The following NKAIN3 variants were observed in gnomAD, a reference collection of about 807,000 sequenced individuals.
NKAIN3 encodes sodium/potassium-transporting ATPase subunit beta-1-interacting protein 3.
Under a neutral mutation model 30.2 loss-of-function variants are expected in NKAIN3, and 25 were observed. The ratio of observed to expected loss-of-function variants is 0.83; its 90% confidence interval spans 0.60 to 1.16. NKAIN3 has a LOEUF of 1.16. Among genes scored for constraint, NKAIN3 ranks in the 50% most tolerant of loss-of-function variants. The pLI is 0.00. For synonymous variants in NKAIN3, 91 were observed against 89.6 expected (o/e 1.02, Z -0.09); for missense variants, 225 against 254.1 (o/e 0.89, Z 0.78).
In NKAIN3 at chr8:62,966,465, C is replaced by A; in HGVS notation, c.*1058C>A. The A allele has an allele frequency of 1.3e-6, 1 of 793,454 alleles. No homozygotes were observed. Among genetic ancestry groups the A allele is most frequent in the Non-Finnish European group, 1.5e-6 (1 of 654,728 alleles). 49.2% of individuals were successfully genotyped at this position (793,454 alleles called of 1,614,324 possible). A position where few individuals can be genotyped will look rare whatever the true frequency, so the allele number is the denominator to read the frequency against. On this transcript the variant is annotated 3_prime_UTR_variant, in exon 7 of 7. Transcript: ENST00000623646. Reference sequence around the variant, plus strand: ...TAAAACTTACATATGGTAAAATGCACAAATATTAATGGTACGATTTGATTA... The same window carrying A: ...TAAAACTTACATATGGTAAAATGCAAAAATATTAATGGTACGATTTGATTA...
intron 1 of NKAIN3, among the ~76,000 whole-genome samples, chr8:62,358,920 G>A (rs1406410721): frequency 1.3e-5 from 2 of 152,150 alleles, no homozygotes; most frequent in South Asian, 2.1e-4. Flanking sequence ...GGTGGCTCAC[G>A]CCTGTAATCC....
At chr8:62,368,098 T>C (rs1334432130) in intron 1 of NKAIN3, among the ~76,000 whole-genome samples, 1 of 152,184 alleles carries the variant, frequency 6.6e-6, no homozygotes, top group Non-Finnish European at 1.5e-5. Flanking sequence ...AGATATCTTA[T>C]GTCCATACAT....
chr8:62,942,072 A>T (rs1004179698), intron 5 of NKAIN3, among the ~76,000 whole-genome samples: 1 of 151,888 alleles, frequency 6.6e-6, no homozygotes, highest in African/African-American at 2.4e-5. Flanking sequence ...AAGTTTCAGG[A>T]TACAAAATTA....
intron 1 of NKAIN3, among the ~76,000 whole-genome samples, chr8:62,522,403 G>C (rs1319701638): frequency 6.6e-6 from 1 of 152,024 alleles, no homozygotes; most frequent in Non-Finnish European, 1.5e-5. Flanking sequence ...ACATGACTAT[G>C]TTGCTAGTTT....
rs532739228 is a variant in NKAIN3, at chr8:62,320,691, C to T, written c.54+71564C>T. ...TCTCTTCTGGCTTGTAGAGTTTCTG[C>T]CAAGAGATCAGCTGTTAGTCTGATG... On this transcript the variant is annotated intron_variant, in intron 1 of 6. Coordinates refer to ENST00000623646, the MANE Select transcript of NKAIN3 (RefSeq NM_001304533.3). Among the ~76,000 whole-genome samples, 7 of 152,310 alleles carry T rather than the reference C, an allele frequency of 4.6e-5. No homozygotes were observed. In the East Asian group the frequency reaches 1.3e-3, roughly 29 times the overall value.
chr8:62,780,761 C>CT (rs1817331560), intron 4 of NKAIN3, among the ~76,000 whole-genome samples: 1 of 151,816 alleles, frequency 6.6e-6, no homozygotes, highest in Admixed American at 6.6e-5. Context: ...AAACTCTCAA[C>CT]TAAAAGTTAG....
chr8:62,855,765 G>A, intron 4 of NKAIN3: 1 of 1,177,872 alleles, frequency 8.5e-7, no homozygotes, highest in Non-Finnish European at 1.3e-6. Flanking sequence ...ATGACTTTCA[G>A]TAAAGGGCAT....
chr8:62,272,361 C>G (rs1812805315), intron 1 of NKAIN3, among the ~76,000 whole-genome samples: 1 of 152,080 alleles, frequency 6.6e-6, no homozygotes, highest in African/African-American at 2.4e-5. Flanking sequence ...CACTGAAATG[C>G]TAACGCCAGT....
chr8:62,669,920 T>C lies in NKAIN3; in HGVS notation c.274-77012T>C, dbSNP rs575367508. On this transcript the variant is annotated intron_variant, in intron 3 of 6. Coordinates refer to ENST00000623646, the MANE Select transcript of NKAIN3 (RefSeq NM_001304533.3). The stretch of plus-strand genomic sequence containing the variant: ...GTCACTTGATTTTTAAAATGATATA[T>C]TTTCCTTTCCTTTTCCTCCCACCAG... 2.4e-3 allele frequency among the ~76,000 whole-genome samples: 368 copies of C among 152,280 alleles called. 3 individuals are homozygous for C. Among genetic ancestry groups the C allele is most frequent in the African/African-American group, 8.7e-3 (360 of 41,556 alleles).
intron 1 of NKAIN3, among the ~76,000 whole-genome samples, chr8:62,500,424 G>GGAAAGAAAGAAAGAAAGAAA (rs372867878): frequency 1.9e-5 from 2 of 103,668 alleles, no homozygotes; most frequent in Non-Finnish European, 3.8e-5. Context: ...AAGGAAGAAA[G>GGAAAGAAAGAAAGAAAGAAA]GAAAGAAAGA....
At chr8:62,295,119 A>C (rs766268679) in intron 1 of NKAIN3, among the ~76,000 whole-genome samples, 6 of 152,086 alleles carry the variant, frequency 3.9e-5, no homozygotes, top group Non-Finnish European at 7.4e-5. Context: ...CACAACCTTA[A>C]ATAGAATAGT....
chr8:62,861,750 C>T (rs1414566565), intron 4 of NKAIN3, among the ~76,000 whole-genome samples: 1 of 152,176 alleles, frequency 6.6e-6, no homozygotes, highest in African/African-American at 2.4e-5. Context: ...GGAAGGGCTC[C>T]ATCTACCCAT....
intron 6 of NKAIN3, among the ~76,000 whole-genome samples, chr8:62,956,874 A>G (rs1159835924): frequency 4.6e-5 from 7 of 152,236 alleles, no homozygotes. Context: ...CCCCAAGGAA[A>G]TTTTATGCGG....
At chr8:62,252,985 G>T (rs1259018913) in intron 1 of NKAIN3, among the ~76,000 whole-genome samples, 1 of 152,118 alleles carries the variant, frequency 6.6e-6, no homozygotes, top group Non-Finnish European at 1.5e-5. Flanking sequence ...ACTAATTTTG[G>T]CAGGCATTGT....
chr8:62,646,228 C>A (rs1456348294), intron 3 of NKAIN3, among the ~76,000 whole-genome samples: 1 of 151,006 alleles, frequency 6.6e-6, no homozygotes, highest in Non-Finnish European at 1.5e-5. Context: ...ATCCTCCCAT[C>A]CCCCATACCA....
chr8:62,403,695 C>A (rs1057398640), intron 1 of NKAIN3, among the ~76,000 whole-genome samples: 1 of 152,226 alleles, frequency 6.6e-6, no homozygotes, highest in Non-Finnish European at 1.5e-5. Context: ...CGATGTCAGG[C>A]AGAAGTCTGC....
chr8:62,855,468 C>G, intron 4 of NKAIN3: 9 of 1,313,278 alleles, frequency 6.9e-6, no homozygotes, highest in Non-Finnish European at 9.9e-6. Flanking sequence ...CTTCCAAAAT[C>G]TTCATTATTT....
chr8:62,483,611 T>A (rs1806803371), intron 1 of NKAIN3: 2 of 182,878 alleles, frequency 1.1e-5, no homozygotes, highest in African/African-American at 4.8e-5. Flanking sequence ...AAATCTGGTC[T>A]TTTATGATTT....
intron 1 of NKAIN3, among the ~76,000 whole-genome samples, chr8:62,519,513 T>C (rs1408600215): frequency 6.6e-6 from 1 of 152,152 alleles, no homozygotes; most frequent in Non-Finnish European, 1.5e-5. Context: ...CATCTTCTTT[T>C]GGTATCATTA....
Sources: gnomAD v4.1 joint callset for allele counts (sites outside exome capture counted in the v4.1 genomes callset) on GRCh38, gnomAD v4.1.1 for gene constraint, MANE v1.5 for transcripts, NCBI Gene and HGNC (gene_info 2026-07-23, HGNC 2026-07-21) for gene names.